Variants in CIT observed in about 807,000 individuals in gnomAD.
The protein encoded by CIT is citron rho-interacting serine/threonine kinase.
Under a neutral mutation model 272.7 loss-of-function variants are expected in CIT, and 79 were observed. The observed-to-expected ratio is 0.29, with a 90% confidence interval of 0.24 to 0.35. CIT has a LOEUF of 0.35. Ranked by LOEUF, CIT falls within the 10% of genes least tolerant of loss-of-function variation. CIT has a pLI of 1.00. For missense variants in CIT, 1,909 were observed against 2,618.3 expected (o/e 0.73, Z 5.91); for synonymous variants, 948 against 995.6 (o/e 0.95, Z 0.90).
Position 119,714,347 on chromosome 12 carries a change from G to A in CIT, c.4169-13C>T, listed in dbSNP as rs780529461. 13 of 1,613,182 alleles carry A rather than the reference G, an allele frequency of 8.1e-6. No homozygotes were observed. The highest frequency in any genetic ancestry group is 1.3e-5 in the African/African-American group (1 of 74,846). ...CGCCGACTAAATTCTGGAGGAAAAT[G>A]TTTTAAAAAATCATTAGAGTACTGC... is the stretch of plus-strand genomic sequence containing the variant. On this transcript the variant is annotated splice_polypyrimidine_tract_variant and intron_variant, in intron 32 of 47. Coordinates refer to ENST00000392521, the MANE Select transcript of CIT (RefSeq NM_001206999.2).
intron 46 of CIT, among the ~76,000 whole-genome samples, chr12:119,695,054 C>T (rs563600172): frequency 2.0e-5 from 3 of 152,254 alleles, no homozygotes; most frequent in African/African-American, 7.2e-5. Flanking sequence ...GCTTTTCCAG[C>T]AAGTTCCTGG....
intron 4 of CIT, among the ~76,000 whole-genome samples, chr12:119,853,896 A>C (rs997852222): frequency 2.0e-5 from 3 of 152,106 alleles, no homozygotes; most frequent in Non-Finnish European, 4.4e-5. Context: ...AAATAAAATA[A>C]GCAGTCTCAG....
chr12:119,699,903 G>A (rs761157298), intron 44 of CIT: 8 of 455,954 alleles, frequency 1.8e-5, no homozygotes, highest in Non-Finnish European at 3.5e-5. Flanking sequence ...ACACAGATAC[G>A]TATGTACATA....
intron 22 of CIT, 34 bp from the exon 23 acceptor site, chr12:119,752,281 A>G (rs1304866662): frequency 6.4e-7 from 1 of 1,560,200 alleles, no homozygotes; most frequent in Non-Finnish European, 8.7e-7. Flanking sequence ...AGAGAGATAA[A>G]CCCTTGCTTG....
chr12:119,848,079 G>A (rs1189927548), intron 5 of CIT, among the ~76,000 whole-genome samples: 4 of 152,124 alleles, frequency 2.6e-5, no homozygotes, highest in African/African-American at 4.8e-5. Flanking sequence ...CATGTCTCAA[G>A]GAAGGAAAGT....
chr12:119,837,710 T>C (rs1206919926), intron 5 of CIT, among the ~76,000 whole-genome samples: 1 of 152,226 alleles, frequency 6.6e-6, no homozygotes, highest in African/African-American at 2.4e-5. Context: ...CCAAGACAAC[T>C]GTAGGTCCTC....
In CIT at chr12:119,690,167, A is replaced by G. The variant is rs749796555; in HGVS notation, c.6170T>C (p.Leu2057Pro). The stretch of plus-strand genomic sequence containing the variant: ...CTGCCTCACCTTGTTCACCTGGGAC[A>G]GCGGGGTCCTCACGGCTCCCGCAGG... The part of the protein sequence containing the change: ...RLPAGAVRTP[L>P]SQVNKVWDQS... Residue 2057 changes from leucine (L) to proline (P), a missense_variant, in exon 47 of 48, where the codon CTG (leucine) becomes CCG (proline). By Grantham distance (98) the Leu-to-Pro change is moderately conservative. Around this residue, in one of 8 missense-constraint regions of CIT, gnomAD observed 780 missense variants for 1,067.2 expected, o/e 0.73. Coordinates refer to ENST00000392521, the MANE Select transcript of CIT (RefSeq NM_001206999.2). This position sits in a 1 kb window ranked among gnomAD's most constrained non-coding sequence, Gnocchi z 6.0. The G allele has an allele frequency of 2.0e-5, 29 of 1,478,992 alleles. No homozygotes were observed. The highest frequency in any genetic ancestry group is 2.5e-5 in the Non-Finnish European group (28 of 1,123,002). 91.6% of individuals were successfully genotyped at this position (1,478,992 alleles called of 1,614,324 possible).
intron 8 of CIT, among the ~76,000 whole-genome samples, chr12:119,823,751 C>T (rs148009674): frequency 1.7e-3 from 253 of 152,210 alleles, no homozygotes; most frequent in African/African-American, 5.9e-3. Context: ...AAGAAATGAG[C>T]TTCACAGGCT....
chr12:119,821,590 C>T (rs1490824468), intron 9 of CIT, among the ~76,000 whole-genome samples: 2 of 152,094 alleles, frequency 1.3e-5, no homozygotes, highest in African/African-American at 2.4e-5. Context: ...CATTCTTAGA[C>T]ATGATCAGCA....
intron 2 of CIT, among the ~76,000 whole-genome samples, chr12:119,873,867 T>A (rs999019949): frequency 2.0e-4 from 30 of 152,152 alleles, no homozygotes; most frequent in African/African-American, 7.2e-4. Flanking sequence ...TAATTACTAT[T>A]AAGGAAACAA....
intron 43 of CIT, 103 bp from the exon 44 acceptor site, chr12:119,700,928 T>C: frequency 4.6e-6 from 4 of 879,082 alleles, no homozygotes; most frequent in Non-Finnish European, 7.5e-6. Flanking sequence ...CAGGGACCCC[T>C]GGCCAGATGG....
In CIT at chr12:119,728,553, T is replaced by A. The variant is rs756132568; in HGVS notation, c.3540A>T (p.Leu1180Phe). Residue 1180 changes from leucine (L) to phenylalanine (F), a missense_variant, in exon 28 of 48, where the codon TTA becomes TTT. This residue lies in a region of CIT where 530 missense variants were observed against 822.4 expected (regional missense o/e 0.64). Coordinates refer to ENST00000392521, the MANE Select transcript of CIT (RefSeq NM_001206999.2). This position sits in a 1 kb window ranked among gnomAD's most constrained non-coding sequence, Gnocchi z 4.3. ...HAMLEMNARS[L>F]QQKLETEREL... ...CTCGTTCAGTCTCCAGCTTCTGCTG[T>A]AAGCTTCGGGCATTCATTTCAAGCA... The A allele has an allele frequency of 3.1e-6, 5 of 1,614,014 alleles. No individual in the cohort carries two copies. In the East Asian group the frequency reaches 1.1e-4, roughly 36 times the overall value.
In CIT at chr12:119,730,609, G is replaced by C. The variant is rs776480559; in HGVS notation, c.3372C>G (p.Ile1124Met). 6.2e-7 allele frequency: 1 copy of C among 1,614,022 alleles called. No homozygotes were observed. The highest frequency in any genetic ancestry group is 1.1e-5 in the South Asian group (1 of 91,064). The change falls in exon 27 of 48, where the codon ATC (isoleucine) becomes ATG (methionine). Residue 1124 changes from isoleucine (I) to methionine (M), a missense_variant. By Grantham distance (10) the Ile-to-Met change is conservative (BLOSUM62 1). This residue lies in a region of CIT where 530 missense variants were observed against 822.4 expected (regional missense o/e 0.64). Coordinates refer to ENST00000392521, the MANE Select transcript of CIT (RefSeq NM_001206999.2). Reference protein sequence around the residue: ...KQSRARADQRITESRQVVELA... With the variant: ...KQSRARADQRMTESRQVVELA... ...GCTCCACCACCTGGCGAGACTCGGT[G>C]ATCCGCTGATCGGCTCTCGCCCTGC...
intron 17 of CIT, among the ~76,000 whole-genome samples, chr12:119,771,657 T>C (rs1963163261): frequency 6.6e-6 from 1 of 152,090 alleles, no homozygotes; most frequent in South Asian, 2.1e-4. Context: ...TTGAGGTCCA[T>C]GAATCTTTCA....
At chr12:119,810,626 C>G (rs1421161258) in intron 9 of CIT, among the ~76,000 whole-genome samples, 1 of 151,188 alleles carries the variant, frequency 6.6e-6, no homozygotes, top group East Asian at 1.9e-4. Context: ...TCCCTCAAAC[C>G]CGGGAGACAG....
intron 3 of CIT, among the ~76,000 whole-genome samples, chr12:119,860,483 T>C (rs1950304170): frequency 6.6e-6 from 1 of 152,216 alleles, no homozygotes; most frequent in Admixed American, 6.5e-5. Flanking sequence ...ATCAAGTATT[T>C]GAGTTTTGAA....
intron 5 of CIT, among the ~76,000 whole-genome samples, chr12:119,849,149 G>A (rs372254569): frequency 4.6e-5 from 7 of 152,160 alleles, no homozygotes; most frequent in South Asian, 2.1e-4. Context: ...CGGAGAGGCC[G>A]GGCACAGTGG....
chr12:119,871,234 C>G (rs1352783710), intron 2 of CIT, among the ~76,000 whole-genome samples: 2 of 152,116 alleles, frequency 1.3e-5, no homozygotes, highest in African/African-American at 4.8e-5. Flanking sequence ...CCCACATGTT[C>G]CAGTCCCAGA....
chr12:119,876,636 A>C (rs1950856666), intron 1 of CIT, among the ~76,000 whole-genome samples: 1 of 152,238 alleles, frequency 6.6e-6, no homozygotes, highest in Non-Finnish European at 1.5e-5. Context: ...TAGTGTGGTC[A>C]AATAAGACTT....
Sources: gnomAD v4.1 joint callset for allele counts (sites outside exome capture counted in the v4.1 genomes callset) on GRCh38, gnomAD v4.1.1 for gene constraint, gnomAD v4.1.1 regional missense constraint, Gnocchi (gnomAD v3.1) non-coding constraint, MANE v1.5 for transcripts, NCBI Gene and HGNC (gene_info 2026-07-23, HGNC 2026-07-21) for gene names.